Variants in TAFA5 observed in about 807,000 individuals in gnomAD.
TAFA5 encodes chemokine-like protein TAFA-5.
Under a neutral mutation model 15.3 loss-of-function variants are expected in TAFA5, and 6 were observed. That is an observed-to-expected ratio of 0.39 (90% CI 0.21 to 0.77). The LOEUF is 0.77. TAFA5 is among the 30% of genes least tolerant of loss of function. The pLI, the probability that TAFA5 is intolerant of heterozygous loss-of-function variation, is 0.41. For synonymous variants in TAFA5, 103 were observed against 80.7 expected (o/e 1.28, Z -1.48); for missense variants, 161 against 193.1 (o/e 0.83, Z 0.98).
chr22:48,581,487 C>G (rs1408681368), intron 1 of TAFA5, among the ~76,000 whole-genome samples: 1 of 152,234 alleles, frequency 6.6e-6, no homozygotes, highest in African/African-American at 2.4e-5. Context: ...TTATTCCCCA[C>G]TCGGTGGTCT....
At chr22:48,509,831 G>A (rs977919125) in intron 1 of TAFA5, among the ~76,000 whole-genome samples, 62 of 151,670 alleles carry the variant, frequency 4.1e-4, no homozygotes, top group Non-Finnish European at 2.1e-4. Context: ...GGCGCCTGTA[G>A]TCCCAGCTAC....
At chr22:48,609,114 A>C (rs1925303838) in intron 1 of TAFA5, among the ~76,000 whole-genome samples, 1 of 152,162 alleles carries the variant, frequency 6.6e-6, no homozygotes, top group Non-Finnish European at 1.5e-5. Context: ...CTGGCAGAGG[A>C]GAGCACTGCT....
intron 2 of TAFA5, among the ~76,000 whole-genome samples, chr22:48,676,864 C>A (rs773767256): frequency 4.6e-5 from 7 of 152,208 alleles, no homozygotes; most frequent in Non-Finnish European, 1.0e-4. Context: ...CTTGGACTAA[C>A]CTCCCTGGAC....
At chr22:48,665,787 T>A (rs559790602) in intron 2 of TAFA5, among the ~76,000 whole-genome samples, 1 of 152,272 alleles carries the variant, frequency 6.6e-6, no homozygotes, top group East Asian at 1.9e-4. Context: ...GGAGCTGAGA[T>A]CACACGCAGA....
intron 3 of TAFA5, among the ~76,000 whole-genome samples, chr22:48,740,329 G>T (rs1338940175): frequency 2.0e-5 from 3 of 152,210 alleles, no homozygotes; most frequent in Non-Finnish European, 2.9e-5. Flanking sequence ...CGCAGAGCCA[G>T]CCTCCCCGCA....
chr22:48,631,650 C>A (rs1926232316), intron 1 of TAFA5, among the ~76,000 whole-genome samples: 1 of 152,234 alleles, frequency 6.6e-6, no homozygotes, highest in Admixed American at 6.5e-5. Context: ...AAGAAATTAG[C>A]CAGACTCAGG....
At chr22:48,732,260 G>GTTTTTT (rs1555903288) in intron 3 of TAFA5, among the ~76,000 whole-genome samples, 9 of 150,990 alleles carry the variant, frequency 6.0e-5, no homozygotes. Context: ...TTGTTGTTTT[G>GTTTTTT]TTTTTCTGAG....
intron 1 of TAFA5, among the ~76,000 whole-genome samples, chr22:48,606,246 G>A (rs1232552635): frequency 2.0e-5 from 3 of 152,230 alleles, no homozygotes; most frequent in Non-Finnish European, 4.4e-5. Context: ...AGGAGAGACA[G>A]AGTGAGAGCT....
intron 2 of TAFA5, among the ~76,000 whole-genome samples, chr22:48,669,878 G>A (rs925961554): frequency 6.6e-6 from 1 of 152,224 alleles, no homozygotes; most frequent in South Asian, 2.1e-4. Flanking sequence ...GTGATTCCAC[G>A]TTTCACCAGC....
intron 2 of TAFA5, among the ~76,000 whole-genome samples, chr22:48,666,320 G>A (rs150531860): frequency 8.5e-5 from 13 of 152,258 alleles, no homozygotes; most frequent in Admixed American, 8.5e-4. Context: ...GGCCATGGAG[G>A]TGTTTTTGTC....
intron 1 of TAFA5, chr22:48,544,448 G>A (rs1044885564): frequency 2.9e-6 from 1 of 349,410 alleles, no homozygotes; most frequent in Non-Finnish European, 5.7e-6. Flanking sequence ...CGTCCCTCGA[G>A]GTGACATCTG....
In TAFA5 at chr22:48,490,131, G is replaced by A. The variant is rs367606360; in HGVS notation, c.112+427G>A. On this transcript the variant is annotated intron_variant, in intron 1 of 3. Transcript: ENST00000402357. The surrounding 1 kb of genome is among the most constrained non-coding windows in gnomAD (Gnocchi z 5.8). ...CCCCGTGCCTCAGCCCGGGACAAGG[G>A]GGGAGGCGGCGGCCGAGCCCGGAGA... 1.3e-5 allele frequency among the ~76,000 whole-genome samples: 2 copies of A among 152,154 alleles called. No individual in the cohort carries two copies. The highest frequency in any genetic ancestry group is 6.5e-5 in the Admixed American group (1 of 15,284).
intron 3 of TAFA5, among the ~76,000 whole-genome samples, chr22:48,737,785 C>T (rs951654215): frequency 6.6e-6 from 1 of 152,232 alleles, no homozygotes; most frequent in Non-Finnish European, 1.5e-5. Flanking sequence ...GGCCCCAGGG[C>T]CTCCGCAGGG....
intron 1 of TAFA5, among the ~76,000 whole-genome samples, chr22:48,627,445 C>T (rs911327456): frequency 6.6e-6 from 1 of 152,358 alleles, no homozygotes; most frequent in Non-Finnish European, 1.5e-5. Context: ...TGGGCCAGTG[C>T]CAGGGGTCGC....
chr22:48,584,514 CACACAT>C (rs1924254390), intron 1 of TAFA5, among the ~76,000 whole-genome samples: 1 of 149,950 alleles, frequency 6.7e-6, no homozygotes, highest in Admixed American at 6.6e-5. Flanking sequence ...CACACACACA[CACACAT>C]ACACACCACA....
At position 48,560,390 on chromosome 22, in the gene TAFA5, A is replaced by ATC. The variant is rs1923188464; in HGVS notation, c.112+70686_112+70687insTC. Among the ~76,000 whole-genome samples, 3 of 151,906 alleles carry ATC rather than the reference A, an allele frequency of 2.0e-5. No homozygotes were observed. Among genetic ancestry groups the ATC allele is most frequent in the Non-Finnish European group, 4.4e-5 (3 of 67,948 alleles). On this transcript the variant is annotated intron_variant, in intron 1 of 3. Coordinates refer to ENST00000402357, the MANE Select transcript of TAFA5 (RefSeq NM_001082967.3). This position sits in a 1 kb window ranked among gnomAD's most constrained non-coding sequence, Gnocchi z 4.2. ...CATTCTCGGCCTCCAATCCCTGGAG[A>ATC]CCACACGTGGGATGCCAGGAGCACC...
intron 1 of TAFA5, among the ~76,000 whole-genome samples, chr22:48,629,387 G>C (rs3965014): frequency 0.013 from 1,944 of 152,316 alleles, 49 homozygotes; most frequent in African/African-American, 0.045. Context: ...AGGCACTGTG[G>C]AGCACAGCTG....
At chr22:48,635,897 C>T (rs1013871655) in intron 1 of TAFA5, among the ~76,000 whole-genome samples, 5 of 152,222 alleles carry the variant, frequency 3.3e-5, no homozygotes, top group African/African-American at 1.2e-4. Context: ...TCTTCTCCAC[C>T]TGCTTCTGTC....
chr22:48,510,258 C>A (rs1479218254), intron 1 of TAFA5, among the ~76,000 whole-genome samples: 1 of 152,156 alleles, frequency 6.6e-6, no homozygotes, highest in Admixed American at 6.5e-5. Context: ...GAAGAAGACA[C>A]CTGTGGAATG....
Sources: allele counts gnomAD v4.1 joint callset (sites outside exome capture counted in the v4.1 genomes callset), GRCh38; gene constraint gnomAD v4.1.1; non-coding constraint Gnocchi (gnomAD v3.1); transcripts MANE v1.5; gene names NCBI Gene and HGNC (gene_info 2026-07-23, HGNC 2026-07-21).